Variants in PCDHA3 observed in about 807,000 individuals in gnomAD.
PCDHA3 encodes protocadherin alpha 3, also known as protocadherin alpha-3.
Under a neutral mutation model 62.2 loss-of-function variants are expected in PCDHA3, and 41 were observed. The observed-to-expected ratio is 0.66, with a 90% CI of 0.51 to 0.86. PCDHA3 has a LOEUF of 0.86. Ranked by LOEUF, PCDHA3 falls within the 40% of genes least tolerant of loss-of-function variation. The probability of loss-of-function intolerance (pLI) is 0.00; values close to 1 mark genes in which losing one functional copy is unlikely to be tolerated. For missense variants in PCDHA3, 1,304 were observed against 1,241.2 expected (o/e 1.05, Z -0.76); for synonymous variants, 640 against 555.4 (o/e 1.15, Z -2.14).
chr5:140,848,614 A>G (rs2150414883), intron 1 of PCDHA3: 3 of 1,593,564 alleles, frequency 1.9e-6, no homozygotes, highest in African/African-American at 1.3e-5. Flanking sequence ...GAGGAAGCCG[A>G]ACACGGCACC....
In PCDHA3 at chr5:140,856,841, G is replaced by C. The variant is rs781868199; in HGVS notation, c.2394+53250G>C. The C allele has an allele frequency of 2.2e-5, 35 of 1,592,304 alleles. 4 individuals are homozygous for C. The Middle Eastern group carries it at 5.0e-4, about 23-fold the overall frequency. ...CCAAACATTAGTAATACGGCTCAAC[G>C]CTTCTGATTCGGATGAAGGAATAAA... On this transcript the variant is annotated intron_variant, in intron 1 of 3. Coordinates refer to ENST00000522353, the MANE Select transcript of PCDHA3 (RefSeq NM_018906.3).
intron 1 of PCDHA3, chr5:140,808,044 C>T (rs781791401): frequency 3.1e-6 from 5 of 1,613,854 alleles, no homozygotes; most frequent in Non-Finnish European, 4.2e-6. Context: ...AATGATATTT[C>T]GCCAAATGTG....
chr5:140,824,869 T>G (rs2150137478), intron 1 of PCDHA3: 15 of 152,136 alleles, frequency 9.9e-5, no homozygotes, highest in Admixed American at 3.3e-4. Flanking sequence ...ATTGTATTTT[T>G]GCAGCATATG....
chr5:140,878,011 A>G (rs1008308579), intron 1 of PCDHA3: 1 of 843,992 alleles, frequency 1.2e-6, no homozygotes, highest in Non-Finnish European at 1.7e-6. Flanking sequence ...TCTAACATTA[A>G]TGAAGGAAAT....
chr5:140,955,951 T>C (rs529805581), intron 1 of PCDHA3, among the ~76,000 whole-genome samples: 12 of 152,248 alleles, frequency 7.9e-5, no homozygotes, highest in South Asian at 2.1e-4. Context: ...GTCTACTTGC[T>C]TGTTGTTTGT....
intron 1 of PCDHA3, among the ~76,000 whole-genome samples, chr5:140,907,205 G>T (rs549918744): frequency 2.0e-5 from 3 of 152,196 alleles, no homozygotes; most frequent in East Asian, 3.9e-4. Context: ...GGAGAATTTT[G>T]CCCCAGCCCT....
chr5:141,006,290 C>G (rs1465211339), intron 3 of PCDHA3, among the ~76,000 whole-genome samples: 5 of 152,050 alleles, frequency 3.3e-5, no homozygotes, highest in Non-Finnish European at 5.9e-5. Flanking sequence ...CAGCTCACTG[C>G]AAGCTCCACT....
chr5:140,823,483 G>T (rs782459189), intron 1 of PCDHA3: 3 of 1,613,434 alleles, frequency 1.9e-6, no homozygotes, highest in Non-Finnish European at 1.7e-6. Context: ...GCCTCGAGTG[G>T]GTGGCACCGG....
At chr5:140,885,970 A>G (rs1554182306) in intron 1 of PCDHA3, among the ~76,000 whole-genome samples, 1 of 152,122 alleles carries the variant, frequency 6.6e-6, no homozygotes, top group Non-Finnish European at 1.5e-5. Flanking sequence ...TTTTGAGATA[A>G]TTATAGATTC....
At position 140,967,486 on chromosome 5, in the gene PCDHA3, G is replaced by A. The variant is rs782309199; in HGVS notation, c.2395-11463G>A. The A allele has an allele frequency of 2.5e-6, 4 of 1,612,986 alleles. No individual in the cohort carries two copies. The African/African-American group carries it at 4.0e-5, about 16-fold the overall frequency. ...GGGGCATCCCAGCCCGCTCGGGTAC[G>A]GCACAGATCTCTGTGCGTGTCCTGG... On this transcript the variant is annotated intron_variant, in intron 1 of 3. Coordinates refer to ENST00000522353, the MANE Select transcript of PCDHA3 (RefSeq NM_018906.3).
At chr5:140,830,044 G>A in intron 1 of PCDHA3, 1 of 1,613,812 alleles carries the variant, frequency 6.2e-7, no homozygotes, top group East Asian at 2.2e-5. Flanking sequence ...TGGTGCTGGT[G>A]AAAGACCACG....
chr5:140,807,569 G>A (rs952470653), intron 1 of PCDHA3: 5 of 1,614,178 alleles, frequency 3.1e-6, no homozygotes, highest in South Asian at 1.1e-5. Flanking sequence ...GGACATTAAC[G>A]ATAACCCGCC....
chr5:140,966,188 T>G (rs1454663585), intron 1 of PCDHA3: 7 of 200,348 alleles, frequency 3.5e-5, no homozygotes, highest in Non-Finnish European at 6.9e-5. Context: ...ATAGCCAGAC[T>G]TCTAGGGGCT....
chr5:140,907,812 C>T (rs888159954), intron 1 of PCDHA3, among the ~76,000 whole-genome samples: 17 of 152,192 alleles, frequency 1.1e-4, no homozygotes, highest in Admixed American at 2.6e-4. Flanking sequence ...GTCCACAGAA[C>T]GAGTCATCCT....
intron 1 of PCDHA3, chr5:140,869,887 C>A: frequency 1.9e-6 from 3 of 1,610,174 alleles, no homozygotes; most frequent in Non-Finnish European, 2.5e-6. Context: ...AACTCTTGTG[C>A]TCAAACTAAA....
At position 140,943,090 on chromosome 5, in the gene PCDHA3, C is replaced by A. The variant is rs554425182; in HGVS notation, c.2395-35859C>A. On this transcript the variant is annotated intron_variant, in intron 1 of 3. Coordinates refer to ENST00000522353, the MANE Select transcript of PCDHA3 (RefSeq NM_018906.3). The stretch of plus-strand genomic sequence containing the variant: ...TGACCAACATGGTGAAATCCTGCCT[C>A]TACTAAAAAATACAAAAATTAGCCA... Among the ~76,000 whole-genome samples the A allele has an allele frequency of 1.8e-4, 27 of 151,656 alleles. No homozygotes were observed. The South Asian group carries it at 2.5e-3, about 14-fold the overall frequency.
At chr5:140,841,570 T>G in intron 1 of PCDHA3, 2 of 1,613,936 alleles carry the variant, frequency 1.2e-6, no homozygotes, top group Non-Finnish European at 8.5e-7. Context: ...AGAATGGCAT[T>G]TTGTTTGTGA....
intron 1 of PCDHA3, among the ~76,000 whole-genome samples, chr5:140,936,813 T>C (rs1299896116): frequency 6.6e-6 from 1 of 152,216 alleles, no homozygotes; most frequent in Non-Finnish European, 1.5e-5. Flanking sequence ...TTAGCTATTT[T>C]TGGCCCTTTG....
rs1277640974 is a variant in PCDHA3 at position 140,805,391 on chromosome 5, T to C, written c.2394+1800T>C. 2.7e-6 allele frequency: 3 copies of C among 1,093,034 alleles called. No homozygotes were observed. The African/African-American group carries it at 5.0e-5, about 18-fold the overall frequency. 67.7% of individuals were successfully genotyped at this position (1,093,034 alleles called of 1,614,324 possible). ...CACATAGTGAAAGTACTCTGGTTTC[T>C]GTTTGATTCAGAAATTTGGTGGGTT... is the stretch of plus-strand genomic sequence containing the variant. On this transcript the variant is annotated intron_variant, in intron 1 of 3. Coordinates refer to ENST00000522353, the MANE Select transcript of PCDHA3 (RefSeq NM_018906.3).
Sources: allele counts gnomAD v4.1 joint callset (sites outside exome capture counted in the v4.1 genomes callset), GRCh38; gene constraint gnomAD v4.1.1; transcripts MANE v1.5; gene names NCBI Gene and HGNC (gene_info 2026-07-23, HGNC 2026-07-21).